Variants in WWTR1 observed in about 807,000 individuals in gnomAD.
The protein encoded by WWTR1 is WW domain-containing transcription regulator protein 1.
In WWTR1, 13 loss-of-function variants were observed where a neutral mutation model predicts 40.1. The ratio of observed to expected loss-of-function variants is 0.32; its 90% CI spans 0.21 to 0.52. The LOEUF (loss-of-function observed/expected upper bound fraction) is 0.52. Ranked by LOEUF, WWTR1 falls within the 20% of genes least tolerant of loss-of-function variation. The pLI, the probability that WWTR1 is intolerant of heterozygous loss-of-function variation, is 0.97. For synonymous variants in WWTR1, 230 were observed against 210.1 expected, an observed-to-expected ratio of 1.09 and a Z score of -0.82; for missense variants, 436 against 523.1, an observed-to-expected ratio of 0.83 and a Z score of 1.63.
chr3:149,566,295 C>T (rs1056144991), intron 3 of WWTR1, among the ~76,000 whole-genome samples: 1 of 152,112 alleles, frequency 6.6e-6, no homozygotes, highest in African/African-American at 2.4e-5. Context: ...TCCTTTTCTT[C>T]CATAAACACA....
intron 2 of WWTR1, among the ~76,000 whole-genome samples, chr3:149,595,903 C>T (rs557753435): frequency 7.9e-5 from 12 of 152,090 alleles, no homozygotes; most frequent in Non-Finnish European, 1.5e-4. Flanking sequence ...CATGGTGGCA[C>T]GCACCTGTAA....
intron 4 of WWTR1, among the ~76,000 whole-genome samples, chr3:149,529,823 A>G (rs1432380743): frequency 6.6e-6 from 1 of 152,208 alleles, no homozygotes; most frequent in Non-Finnish European, 1.5e-5. Flanking sequence ...GTTTGAAAAA[A>G]TGTATCTCAT....
chr3:149,628,761 T>C (rs1459124152), intron 2 of WWTR1, among the ~76,000 whole-genome samples: 1 of 151,244 alleles, frequency 6.6e-6, no homozygotes, highest in Non-Finnish European at 1.5e-5. Flanking sequence ...TATTTTATTT[T>C]ATTTTATTTT....
At chr3:149,718,497 A>G (rs1715667000) in intron 4 of WWTR1, among the ~76,000 whole-genome samples, 1 of 152,160 alleles carries the variant, frequency 6.6e-6, no homozygotes, top group Non-Finnish European at 1.5e-5. Context: ...AAAATTTACT[A>G]TCTTAATCAT....
upstream of WWTR1, among the ~76,000 whole-genome samples, chr3:149,660,856 C>A (rs752317821): frequency 6.6e-6 from 1 of 152,234 alleles, no homozygotes; most frequent in African/African-American, 2.4e-5. Flanking sequence ...AGTAGCTTAG[C>A]ATTCCTAAGT....
intron 1 of WWTR1, among the ~76,000 whole-genome samples, chr3:149,682,312 C>T (rs1714482053): frequency 6.6e-6 from 1 of 152,148 alleles, no homozygotes; most frequent in Admixed American, 6.5e-5. Context: ...TGAAAACTGT[C>T]ATCCCTAAAG....
At chr3:149,528,214 C>T (rs1415949240) in intron 4 of WWTR1, among the ~76,000 whole-genome samples, 2 of 152,194 alleles carry the variant, frequency 1.3e-5, no homozygotes, top group Non-Finnish European at 1.5e-5. Flanking sequence ...CTTAATGTTG[C>T]AATCATCCCA....
At chr3:149,693,822 T>C (rs2108215841) in intron 1 of WWTR1, among the ~76,000 whole-genome samples, 1 of 152,340 alleles carries the variant, frequency 6.6e-6, no homozygotes, top group East Asian at 1.9e-4. Flanking sequence ...TTACTATCTC[T>C]TGATATACAA....
chr3:149,557,111 C>T (rs1192074697), intron 3 of WWTR1, among the ~76,000 whole-genome samples: 1 of 122,702 alleles, frequency 8.1e-6, no homozygotes, highest in Non-Finnish European at 1.6e-5. Context: ...CACTCTGTCA[C>T]CCAGGCTGGA....
intron 2 of WWTR1, among the ~76,000 whole-genome samples, chr3:149,581,318 G>C (rs1738147101): frequency 6.6e-6 from 1 of 151,168 alleles, no homozygotes; most frequent in Non-Finnish European, 1.5e-5. Context: ...TATTAGCAAA[G>C]CATTCAGAGT....
chr3:149,693,862 A>G (rs1431283335), intron 1 of WWTR1, among the ~76,000 whole-genome samples: 1 of 152,232 alleles, frequency 6.6e-6, no homozygotes, highest in Non-Finnish European at 1.5e-5. Context: ...ATCTTGATAT[A>G]TAAAAATCAA....
chr3:149,580,597 T>G (rs1357196489), intron 2 of WWTR1, among the ~76,000 whole-genome samples: 1 of 152,170 alleles, frequency 6.6e-6, no homozygotes, highest in Non-Finnish European at 1.5e-5. Flanking sequence ...TTTGTAATAC[T>G]AAGATTAGGT....
chr3:149,630,369 T>C (rs2108106324), intron 2 of WWTR1, among the ~76,000 whole-genome samples: 1 of 152,174 alleles, frequency 6.6e-6, no homozygotes, highest in African/African-American at 2.4e-5. Flanking sequence ...GAAGAAAAGG[T>C]TTTCTACCAA....
In WWTR1 at chr3:149,526,411, T is replaced by TAA. The variant is rs80322377; in HGVS notation, c.906-288_906-287dup. Among the ~76,000 whole-genome samples the TAA allele has an allele frequency of 2.5e-3, 362 of 143,212 alleles. 1 individual carries two copies. The highest frequency in any genetic ancestry group is 3.5e-3 in the Non-Finnish European group (225 of 65,212). 94.0% of individuals were successfully genotyped at this position (143,212 alleles called of 152,430 possible). A position where few individuals can be genotyped will look rare whatever the true frequency, so the allele number is the denominator to read the frequency against. ...GTATGACACCATTTATGTAAAACTT[T>TAA]AAAAAAAAAAAACAAAAACTATGTT... On this transcript the variant is annotated intron_variant, in intron 5 of 6. Transcript: ENST00000360632.
chr3:149,682,574 A>G (rs1714494292), intron 1 of WWTR1, among the ~76,000 whole-genome samples: 1 of 152,160 alleles, frequency 6.6e-6, no homozygotes, highest in Non-Finnish European at 1.5e-5. Flanking sequence ...TATTTTCCCC[A>G]GCTTGGACTG....
intron 3 of WWTR1, among the ~76,000 whole-genome samples, chr3:149,543,398 T>C (rs996019045): frequency 6.6e-6 from 1 of 151,768 alleles, no homozygotes; most frequent in African/African-American, 2.4e-5. Context: ...CTGGCCAACA[T>C]GGTGAAACCC....
At chr3:149,617,759 T>C (rs1267548091) in intron 2 of WWTR1, among the ~76,000 whole-genome samples, 1 of 152,122 alleles carries the variant, frequency 6.6e-6, no homozygotes, top group Non-Finnish European at 1.5e-5. Flanking sequence ...AGGGATTGCA[T>C]CACTGCACCC....
At chr3:149,715,472 G>A (rs746004310) in intron 5 of WWTR1, among the ~76,000 whole-genome samples, 18 of 152,216 alleles carry the variant, frequency 1.2e-4, no homozygotes, top group African/African-American at 3.6e-4. Context: ...GGCAGCAGCC[G>A]GCGTATTTGT....
chr3:149,570,592 A>G (rs1190263322), intron 3 of WWTR1, among the ~76,000 whole-genome samples: 2 of 150,364 alleles, frequency 1.3e-5, no homozygotes, highest in African/African-American at 4.9e-5. Context: ...AATAATAATA[A>G]TAATAATAAT....
Sources: allele counts gnomAD v4.1 joint callset (sites outside exome capture counted in the v4.1 genomes callset), GRCh38; gene constraint gnomAD v4.1.1; transcripts MANE v1.5; gene names NCBI Gene and HGNC (gene_info 2026-07-23, HGNC 2026-07-21).